AP3B1: variants seen among roughly 807,000 people sequenced by gnomAD.
The protein encoded by AP3B1 is AP-3 complex subunit beta-1.
AP3B1 carries 61 observed loss-of-function variants against 132.5 expected under a neutral mutation model. That is an observed-to-expected ratio of 0.46 (90% CI 0.37 to 0.57). AP3B1 has a LOEUF of 0.57. AP3B1 is among the 20% of genes least tolerant of loss of function. The probability of loss-of-function intolerance (pLI) is 0.00; values close to 1 mark genes in which losing one functional copy is unlikely to be tolerated. For missense variants in AP3B1, 1,120 were observed against 1,289.4 expected (o/e 0.87, Z 2.01); for synonymous variants, 388 against 438.3 (o/e 0.89, Z 1.43).
intron 22 of AP3B1, among the ~76,000 whole-genome samples, chr5:78,051,383 C>A (rs1359577672): frequency 6.6e-6 from 1 of 152,078 alleles, no homozygotes; most frequent in East Asian, 1.9e-4. Context: ...AGGATACAAA[C>A]TAGTCACTAA....
chr5:78,110,093 G>A (rs1751509339), intron 20 of AP3B1, 114 bp downstream of exon 20: 3 of 967,766 alleles, frequency 3.1e-6, no homozygotes, highest in Non-Finnish European at 4.7e-6. Context: ...GGGTTATAAG[G>A]GAAAGGCTTA....
chr5:78,180,726 T>C (rs1169989440), intron 8 of AP3B1, among the ~76,000 whole-genome samples: 1 of 152,016 alleles, frequency 6.6e-6, no homozygotes, highest in Admixed American at 6.5e-5. Flanking sequence ...AAAATATATA[T>C]ATATGTATGT....
At chr5:78,115,492 A>T (rs1241720975) in intron 18 of AP3B1, among the ~76,000 whole-genome samples, 1 of 152,184 alleles carries the variant, frequency 6.6e-6, no homozygotes, top group African/African-American at 2.4e-5. Flanking sequence ...CAATGAAGGG[A>T]CTTTAAGAAA....
At chr5:78,291,136 A>G (rs76341777) in intron 1 of AP3B1, among the ~76,000 whole-genome samples, 10,919 of 152,178 alleles carry the variant, frequency 0.072, 637 homozygotes, top group African/African-American at 0.15. Context: ...ATATTGATAA[A>G]TAAGATTAAA....
At chr5:78,253,560 C>T (rs74476049) in intron 2 of AP3B1, among the ~76,000 whole-genome samples, 2,832 of 152,272 alleles carry the variant, frequency 0.019, 104 homozygotes, top group African/African-American at 0.064. Context: ...CTAAATAAGG[C>T]ACCAAGCACC....
intron 15 of AP3B1, among the ~76,000 whole-genome samples, chr5:78,139,766 T>G (rs987938096): frequency 6.6e-6 from 1 of 151,914 alleles, no homozygotes; most frequent in Non-Finnish European, 1.5e-5. Context: ...GAGACACATA[T>G]AGAGAGATAC....
intron 7 of AP3B1, among the ~76,000 whole-genome samples, chr5:78,212,392 G>C (rs1034872905): frequency 7.2e-5 from 11 of 152,124 alleles, no homozygotes; most frequent in African/African-American, 2.4e-4. Flanking sequence ...AGAGAAAACT[G>C]CTGGATTTAA....
At chr5:78,071,109 A>G (rs1324121246) in intron 22 of AP3B1, among the ~76,000 whole-genome samples, 1 of 152,240 alleles carries the variant, frequency 6.6e-6, no homozygotes, top group Non-Finnish European at 1.5e-5. Context: ...CCATGCACAC[A>G]TATGTTCATT....
chr5:78,121,606 A>G (rs1167747658), intron 17 of AP3B1: 1 of 152,260 alleles, frequency 6.6e-6, no homozygotes, highest in Non-Finnish European at 1.5e-5. Flanking sequence ...AGAAATGGAT[A>G]AATTCCTTGA....
chr5:78,061,614 C>T (rs1184291393), intron 22 of AP3B1, among the ~76,000 whole-genome samples: 1 of 152,168 alleles, frequency 6.6e-6, no homozygotes, highest in East Asian at 1.9e-4. Flanking sequence ...TCTGCCACAA[C>T]ACAATTTCTT....
At chr5:78,124,597 A>G (rs1468316738) in intron 17 of AP3B1, among the ~76,000 whole-genome samples, 1 of 152,130 alleles carries the variant, frequency 6.6e-6, no homozygotes, top group Non-Finnish European at 1.5e-5. Context: ...AAAAGCAAAT[A>G]AAAATAAAAC....
intron 1 of AP3B1, among the ~76,000 whole-genome samples, chr5:78,285,597 G>GT (rs774887015): frequency 3.3e-5 from 5 of 152,002 alleles, no homozygotes; most frequent in Admixed American, 6.6e-5. Context: ...TGCCTATTTA[G>GT]TATCTCCACA....
intron 1 of AP3B1, among the ~76,000 whole-genome samples, chr5:78,290,104 G>C (rs1294049111): frequency 6.6e-6 from 1 of 152,172 alleles, no homozygotes; most frequent in African/African-American, 2.4e-5. Context: ...CCTCACAAAA[G>C]AGGCAAGTAT....
At chr5:78,270,445 T>C (rs1748501377) in intron 1 of AP3B1, among the ~76,000 whole-genome samples, 1 of 152,074 alleles carries the variant, frequency 6.6e-6, no homozygotes, top group Non-Finnish European at 1.5e-5. Context: ...TGATAAGGAA[T>C]AGCAATTTCC....
chr5:78,112,487 A>C (rs1751637343), intron 19 of AP3B1, among the ~76,000 whole-genome samples: 1 of 152,254 alleles, frequency 6.6e-6, no homozygotes, highest in Non-Finnish European at 1.5e-5. Context: ...AACCTAATAC[A>C]TGACTACAAA....
intron 22 of AP3B1, chr5:78,087,434 C>G: frequency 1.5e-6 from 1 of 656,596 alleles, no homozygotes; most frequent in Non-Finnish European, 1.9e-6. Flanking sequence ...GTAGAATATT[C>G]AGTTTATTTC....
intron 14 of AP3B1, among the ~76,000 whole-genome samples, chr5:78,154,194 C>A (rs1743043678): frequency 6.6e-6 from 1 of 152,164 alleles, no homozygotes; most frequent in Non-Finnish European, 1.5e-5. Context: ...CTTTATTTCT[C>A]CTTCATATTT....
chr5:78,015,307 T>C, intron 26 of AP3B1, 103 bp downstream of exon 26: 1 of 1,187,788 alleles, frequency 8.4e-7, no homozygotes, highest in East Asian at 2.6e-5. Flanking sequence ...TATATATATA[T>C]GTTTAGGGGT....
chr5:78,144,337 C>G (rs116605757), intron 14 of AP3B1, among the ~76,000 whole-genome samples: 247 of 152,270 alleles, frequency 1.6e-3, no homozygotes, highest in African/African-American at 5.8e-3. Context: ...CCAGCAAAAA[C>G]AAATAATGAT....
Sources: gnomAD v4.1 joint callset for allele counts (sites outside exome capture counted in the v4.1 genomes callset) on GRCh38, gnomAD v4.1.1 for gene constraint, MANE v1.5 for transcripts, NCBI Gene and HGNC (gene_info 2026-07-23, HGNC 2026-07-21) for gene names.